Variants in MAPK12 observed in about 807,000 individuals in gnomAD.
MAPK12 encodes MAP kinase 12.
In MAPK12, 49 loss-of-function variants were observed where a neutral mutation model predicts 49.1. The observed-to-expected ratio is 1.00, with a 90% CI of 0.79 to 1.27. MAPK12 has a LOEUF of 1.27. Among genes scored for constraint, MAPK12 ranks in the 50% most tolerant of loss-of-function variants. The pLI is 0.00. For missense variants in MAPK12, 554 were observed against 502.4 expected (o/e 1.10, Z -0.98); for synonymous variants, 251 against 209.7 (o/e 1.20, Z -1.70).
chr22:50,256,052 C>T, intron 7 of MAPK12, 33 bp downstream of exon 7: 1 of 1,585,834 alleles, frequency 6.3e-7, no homozygotes, highest in South Asian at 1.1e-5. Flanking sequence ...ATGGTGCAGC[C>T]TGAGAGGCCC....
chr22:50,253,717 G>C (rs1402986536), intron 11 of MAPK12: 14 of 573,676 alleles, frequency 2.4e-5, no homozygotes, highest in South Asian at 4.1e-5. Flanking sequence ...TCTGTCCTAA[G>C]AGCTGAGGCC....
At chr22:50,257,237 C>A (rs1171930466) in intron 3 of MAPK12, 44 bp from the exon 4 acceptor site, 1 of 1,525,862 alleles carries the variant, frequency 6.6e-7, no homozygotes, top group Admixed American at 1.7e-5. Context: ...GAGCCAGCCT[C>A]TGCATCCCAG....
intron 3 of MAPK12, chr22:50,257,646 G>A (rs1214809235): frequency 1.7e-6 from 1 of 584,474 alleles, no homozygotes; most frequent in Non-Finnish European, 3.1e-6. Flanking sequence ...AAGGCATCTG[G>A]GTCAGAGGGG....
rs372735885 is a variant in MAPK12 at position 50,255,807 on chromosome 22, T to G, written c.691+3A>C. On this transcript the variant is annotated splice_donor_region_variant and intron_variant, in intron 8 of 11. Transcript: ENST00000215659. The stretch of plus-strand genomic sequence containing the variant: ...CTGGTGCCGCCCTGCGGCTGGAGGA[T>G]ACGGTCGCTGCCCTTGAACAGCGTC... 1.2e-6 allele frequency: 2 copies of G among 1,612,494 alleles called. No individual in the cohort carries two copies. The highest frequency in any genetic ancestry group is 1.7e-5 in the Admixed American group (1 of 60,008).
At chr22:50,253,501 G>GGGGGGGGAGGA in intron 11 of MAPK12, 21 bp from the exon 12 acceptor site, 1 of 354,170 alleles carries the variant, frequency 2.8e-6, no homozygotes, top group Non-Finnish European at 5.6e-6. Context: ...TGGGGGGGCG[G>GGGGGGGGAGGA]GCACAACAGA....
chr22:50,256,731 G>C, intron 5 of MAPK12, 85 bp from the exon 6 acceptor site: 1 of 1,537,398 alleles, frequency 6.5e-7, no homozygotes, highest in Admixed American at 2.0e-5. Context: ...CTAAAGATGG[G>C]GCCACCGGAC....
rs563565196 is a variant in MAPK12 at position 50,261,558 on chromosome 22, C to T, written c.-49G>A. On this transcript the variant is annotated 5_prime_UTR_variant, in exon 1 of 12. Transcript: ENST00000215659. Reference sequence around the variant, plus strand: ...CCGCAGAGCCTGCGGGCGGTGCCCCCACGACCGGGGACGGGGCTCCCTCGG... The same window carrying T: ...CCGCAGAGCCTGCGGGCGGTGCCCCTACGACCGGGGACGGGGCTCCCTCGG... 8.1e-4 allele frequency: 846 copies of T among 1,046,028 alleles called. 5 individuals are homozygous for T. In the African/African-American group the frequency reaches 0.012, roughly 15 times the overall value. 64.8% of individuals were successfully genotyped at this position (1,046,028 alleles called of 1,614,324 possible). A position where few individuals can be genotyped will look rare whatever the true frequency, so the allele number is the denominator to read the frequency against.
At chr22:50,253,825 G>A (rs2065122453) in intron 11 of MAPK12, 2 of 356,390 alleles carry the variant, frequency 5.6e-6, no homozygotes, top group African/African-American at 4.2e-5. Flanking sequence ...ATCAAACAAA[G>A]CCAAACTCAT....
intron 3 of MAPK12, chr22:50,257,930 C>T (rs1314811285): frequency 2.6e-6 from 2 of 773,882 alleles, no homozygotes; most frequent in East Asian, 2.4e-5. Flanking sequence ...GCCAGGGTCC[C>T]GAGCACGGGA....
chr22:50,260,268 GCA>G (rs2065197814), intron 2 of MAPK12, among the ~76,000 whole-genome samples: 3 of 151,504 alleles, frequency 2.0e-5, no homozygotes, highest in African/African-American at 7.3e-5. Flanking sequence ...GCTGGTGGAC[GCA>G]GGGACTCGTT....
intron 7 of MAPK12, 61 bp from the exon 8 acceptor site, chr22:50,255,942 G>A (rs1482274730): frequency 5.1e-6 from 8 of 1,559,922 alleles, no homozygotes; most frequent in Middle Eastern, 1.7e-4. Flanking sequence ...GGGGAGGGAG[G>A]AGACACCAAC....
intron 7 of MAPK12, 70 bp downstream of exon 7, chr22:50,256,015 G>A: frequency 6.5e-7 from 1 of 1,527,750 alleles, no homozygotes; most frequent in South Asian, 1.2e-5. Context: ...CCACCACAGG[G>A]CTGTCCGTGA....
rs760791849 is a variant in MAPK12 at position 50,256,651 on chromosome 22, G to A, written c.457-5C>T. 3.7e-6 allele frequency: 6 copies of A among 1,610,194 alleles called. No individual in the cohort carries two copies. The highest frequency in any genetic ancestry group is 5.1e-6 in the Non-Finnish European group (6 of 1,178,324). On this transcript the variant is annotated splice_polypyrimidine_tract_variant and splice_region_variant and intron_variant, in intron 5 of 11. Coordinates refer to ENST00000215659, the MANE Select transcript of MAPK12 (RefSeq NM_002969.6). ...CAGGTTGCCGGGCTTCAGGTCCTGG[G>A]GGCAGAGGAAAGGTGGCCACTGTGC...
chr22:50,261,680 TCC>T lies in MAPK12; in HGVS notation c.-173_-172del. The T allele has an allele frequency of 1.3e-6, 1 of 741,512 alleles. No individual in the cohort carries two copies. Among genetic ancestry groups the T allele is most frequent in the Non-Finnish European group, 1.6e-6 (1 of 607,188 alleles). 45.9% of individuals were successfully genotyped at this position (741,512 alleles called of 1,614,324 possible). A position where few individuals can be genotyped will look rare whatever the true frequency, so the allele number is the denominator to read the frequency against. ...GCTCCCGGCCCTTCCCTCAGGGATG[TCC>T]CAGGTGCCGACCCCGGCCCGACCCC... is the stretch of plus-strand genomic sequence containing the variant. On this transcript the variant is annotated 5_prime_UTR_variant, in exon 1 of 12. Transcript: ENST00000215659.
In MAPK12 at chr22:50,258,361, A is replaced by C. The variant is rs1271436365; in HGVS notation, c.256-60T>G. Reference sequence around the variant, plus strand: ...AGGACACGGGCTGGGGCACCCCCCAAGAGTGGCACAACCCTCTGGGCAGGA... The same window carrying C: ...AGGACACGGGCTGGGGCACCCCCCACGAGTGGCACAACCCTCTGGGCAGGA... On this transcript the variant is annotated intron_variant, in intron 2 of 11. Transcript: ENST00000215659. 2.1e-6 allele frequency: 3 copies of C among 1,407,582 alleles called. No homozygotes were observed. In the East Asian group the frequency reaches 6.8e-5, roughly 32 times the overall value. 87.2% of individuals were successfully genotyped at this position (1,407,582 alleles called of 1,614,324 possible).
At chr22:50,253,686 T>C (rs2076138) in intron 11 of MAPK12, 95,316 of 590,896 alleles carry the variant, frequency 0.16, 8,532 homozygotes, top group Admixed American at 0.28. Flanking sequence ...TGGCCAGGGC[T>C]TGGCCACATG....
intron 1 of MAPK12, 31 bp from the exon 2 acceptor site, chr22:50,261,327 G>A (rs951779177): frequency 4.7e-6 from 6 of 1,265,344 alleles, no homozygotes; most frequent in African/African-American, 4.7e-5. Flanking sequence ...CGGGAAGGCC[G>A]GGCACCCCGC....
Position 50,255,477 on chromosome 22 carries a change from T to A in MAPK12, c.826A>T (p.Ile276Phe). The part of the protein sequence containing the change: ...PELEKKDFAS[I>F]LTNASPLAVN... ...CCCAGAGGGCTTGCATTGGTCAGGA[T>A]AGAGGCAAAATCCTTCTTCTCCAAT... Residue 276 changes from isoleucine (I) to phenylalanine (F), a missense_variant, in exon 10 of 12, where the codon ATC becomes TTC. By Grantham distance (21) the Ile-to-Phe change is conservative (BLOSUM62 0). Coordinates refer to ENST00000215659, the MANE Select transcript of MAPK12 (RefSeq NM_002969.6). 6.2e-7 allele frequency: 1 copy of A among 1,613,150 alleles called. No individual in the cohort carries two copies. The highest frequency in any genetic ancestry group is 8.5e-7 in the Non-Finnish European group (1 of 1,180,012).
chr22:50,257,272 C>G lies in MAPK12; in HGVS notation c.315-79G>C. On this transcript the variant is annotated intron_variant, in intron 3 of 11. Transcript: ENST00000215659. ...GAGACCCACCCAGCAGGCCCAGGCT[C>G]AGACCCGTCCCGGATCCAACAGGCA... 2.6e-6 allele frequency: 3 copies of G among 1,149,130 alleles called. No individual in the cohort carries two copies. In the East Asian group the frequency reaches 7.4e-5, roughly 28 times the overall value. The allele number at this position is 1,149,130 out of a possible 1,614,324, so 71.2% of individuals were successfully genotyped here.
Sources: gnomAD v4.1 joint callset for allele counts (sites outside exome capture counted in the v4.1 genomes callset) on GRCh38, gnomAD v4.1.1 for gene constraint, MANE v1.5 for transcripts, NCBI Gene and HGNC (gene_info 2026-07-23, HGNC 2026-07-21) for gene names.